The following ZNF267 variants were observed in gnomAD, a reference collection of about 807,000 sequenced individuals.
ZNF267 encodes zinc finger protein 267.
Under a neutral mutation model 71.6 loss-of-function variants are expected in ZNF267, and 61 were observed. That is an observed-to-expected ratio of 0.85 (90% CI 0.69 to 1.05). The LOEUF is 1.05. Among genes scored for constraint, ZNF267 ranks in the 50% least tolerant of loss-of-function variants. The pLI is 0.00. For synonymous variants in ZNF267, 288 were observed against 293.2 expected, an observed-to-expected ratio of 0.98 and a Z score of 0.18; for missense variants, 852 against 870.0, an observed-to-expected ratio of 0.98 and a Z score of 0.26.
chr16:31,875,569 C>A (rs1047389458), intron 1 of ZNF267, among the ~76,000 whole-genome samples: 15 of 152,136 alleles, frequency 9.9e-5, no homozygotes, highest in African/African-American at 3.6e-4. Context: ...AAAACAAAAA[C>A]CCCACCCCAG....
intron 1 of ZNF267, among the ~76,000 whole-genome samples, chr16:31,877,897 T>C (rs947440245): frequency 6.6e-6 from 1 of 152,138 alleles, no homozygotes; most frequent in African/African-American, 2.4e-5. Flanking sequence ...TAAACATAAG[T>C]AAAGTGATTT....
intron 3 of ZNF267, among the ~76,000 whole-genome samples, chr16:31,889,028 GTTCT>G (rs2083942269): frequency 6.6e-6 from 1 of 151,468 alleles, no homozygotes; most frequent in African/African-American, 2.4e-5. Flanking sequence ...ACAGTGTGGT[GTTCT>G]TTCTAAGAAT....
chr16:31,899,654 T>C (rs553517690), intron 3 of ZNF267, among the ~76,000 whole-genome samples: 13 of 152,102 alleles, frequency 8.5e-5, no homozygotes, highest in African/African-American at 3.1e-4. Context: ...ATCTTAAAAT[T>C]ACATAGTGAA....
intron 1 of ZNF267, among the ~76,000 whole-genome samples, chr16:31,878,785 T>C (rs1188450598): frequency 6.6e-6 from 1 of 152,146 alleles, no homozygotes; most frequent in African/African-American, 2.4e-5. Flanking sequence ...GTACACGGTG[T>C]TCCCAAGGTC....
chr16:31,907,725 G>T (rs1270052292), intron 3 of ZNF267, among the ~76,000 whole-genome samples: 1 of 152,036 alleles, frequency 6.6e-6, no homozygotes, highest in Non-Finnish European at 1.5e-5. Flanking sequence ...AATATATTGA[G>T]ACCCTGTGTC....
chr16:31,914,267 A>G, intron 3 of ZNF267: 1 of 494,672 alleles, frequency 2.0e-6, no homozygotes, highest in Non-Finnish European at 3.5e-6. Context: ...TGGCACAAGC[A>G]CTCCCTTTCC....
At chr16:31,886,644 A>G (rs1180388862) in intron 3 of ZNF267, among the ~76,000 whole-genome samples, 1 of 152,238 alleles carries the variant, frequency 6.6e-6, no homozygotes, top group Non-Finnish European at 1.5e-5. Flanking sequence ...ACTGTAGAGT[A>G]TCATTAACTA....
At chr16:31,911,819 T>A (rs990937831) in intron 3 of ZNF267, 2 of 151,604 alleles carry the variant, frequency 1.3e-5, no homozygotes, top group African/African-American at 4.9e-5. Flanking sequence ...TCTGTGTCTG[T>A]TGTATGTTTT....
intron 3 of ZNF267, among the ~76,000 whole-genome samples, chr16:31,889,838 A>G (rs1031978560): frequency 6.6e-6 from 1 of 152,196 alleles, no homozygotes; most frequent in Non-Finnish European, 1.5e-5. Flanking sequence ...GACACCCCAT[A>G]TTAGGTTCCA....
chr16:31,900,239 T>C (rs2084029087), intron 3 of ZNF267, among the ~76,000 whole-genome samples: 1 of 152,130 alleles, frequency 6.6e-6, no homozygotes, highest in Non-Finnish European at 1.5e-5. Flanking sequence ...TTAAAAGTAT[T>C]CTATATACTA....
At chr16:31,887,250 AC>A (rs979114762) in intron 3 of ZNF267, among the ~76,000 whole-genome samples, 9 of 144,816 alleles carry the variant, frequency 6.2e-5, no homozygotes, top group African/African-American at 1.8e-4. Context: ...TGTCAGATTT[AC>A]TTTTTTTTTT....
Position 31,903,328 on chromosome 16 carries a change from T to C in ZNF267, c.227-11148T>C, listed in dbSNP as rs200601008. On this transcript the variant is annotated intron_variant, in intron 3 of 3. Coordinates refer to ENST00000300870, the MANE Select transcript of ZNF267 (RefSeq NM_003414.6). ...AAATGAGTTAGGGAGGGATTCCCTC[T>C]TTTTCTATTGATTGGAATAGTTTCA... is the stretch of plus-strand genomic sequence containing the variant. Among the ~76,000 whole-genome samples, 21 of 152,348 alleles carry C rather than the reference T, an allele frequency of 1.4e-4. No individual in the cohort carries two copies. The East Asian group carries it at 3.7e-3, about 27-fold the overall frequency.
At position 31,917,068 on chromosome 16, in the gene ZNF267, C is replaced by T. The variant is rs569428752; in HGVS notation, c.*587C>T. ...TACAGTATTTGAGGTTTTTGGAAAGCAAATATTATTTATATAATTCAGCTT... is the reference window on the plus strand; with the variant it reads ...TACAGTATTTGAGGTTTTTGGAAAGTAAATATTATTTATATAATTCAGCTT... On this transcript the variant is annotated 3_prime_UTR_variant, in exon 4 of 4. Transcript: ENST00000300870. The T allele has an allele frequency of 6.6e-6, 1 of 152,280 alleles. No individual in the cohort carries two copies. Among genetic ancestry groups the T allele is most frequent in the Non-Finnish European group, 1.5e-5 (1 of 68,136 alleles). 9.4% of individuals were successfully genotyped at this position (152,280 alleles called of 1,614,324 possible). A position where few individuals can be genotyped will look rare whatever the true frequency, so the allele number is the denominator to read the frequency against.
chr16:31,881,148 A>G (rs892166427), intron 1 of ZNF267, among the ~76,000 whole-genome samples: 2 of 152,228 alleles, frequency 1.3e-5, no homozygotes, highest in Non-Finnish European at 2.9e-5. Context: ...AAAGCCCTAC[A>G]TGTTTTGGTT....
At chr16:31,906,554 C>T (rs1040948802) in intron 3 of ZNF267, among the ~76,000 whole-genome samples, 2 of 152,144 alleles carry the variant, frequency 1.3e-5, no homozygotes, top group Non-Finnish European at 2.9e-5. Flanking sequence ...AGTGAGACTC[C>T]GTGGGTGTAG....
At chr16:31,909,896 G>A (rs1485288667) in intron 3 of ZNF267, among the ~76,000 whole-genome samples, 1 of 152,138 alleles carries the variant, frequency 6.6e-6, no homozygotes, top group African/African-American at 2.4e-5. Context: ...TACTAGCTGT[G>A]GATCTGTCAT....
rs752378090 is a variant in ZNF267 at position 31,916,439 on chromosome 16, C to T, written c.2190C>T (p.Tyr730=). 1.9e-6 allele frequency: 3 copies of T among 1,613,926 alleles called. No homozygotes were observed. The highest frequency in any genetic ancestry group is 2.5e-6 in the Non-Finnish European group (3 of 1,179,930). ...ECGKAFNSRS[Y]LIAHQRSHTR... ...GCAAAGCCTTTAACTCTAGGTCATA[C>T]CTCATTGCACATCAGAGAAGTCATA... The change falls in exon 4 of 4, where the codon TAC becomes TAT. Residue 730 remains tyrosine (Y), a synonymous_variant. Coordinates refer to ENST00000300870, the MANE Select transcript of ZNF267 (RefSeq NM_003414.6).
rs1207679767 is a variant in ZNF267, at chr16:31,917,092, T to G, written c.*611T>G. On this transcript the variant is annotated 3_prime_UTR_variant, in exon 4 of 4. Transcript: ENST00000300870. Reference sequence around the variant, plus strand: ...GCAAATATTATTTATATAATTCAGCTTTCAAATCTGTTGCTGCTTTTCCTT... The same window carrying G: ...GCAAATATTATTTATATAATTCAGCGTTCAAATCTGTTGCTGCTTTTCCTT... The G allele has an allele frequency of 6.6e-6, 1 of 152,308 alleles. No homozygotes were observed. The highest frequency in any genetic ancestry group is 1.5e-5 in the Non-Finnish European group (1 of 68,118). 9.4% of individuals were successfully genotyped at this position (152,308 alleles called of 1,614,324 possible).
At chr16:31,887,241 G>T (rs2083930134) in intron 3 of ZNF267, among the ~76,000 whole-genome samples, 3 of 146,250 alleles carry the variant, frequency 2.1e-5, no homozygotes, top group Admixed American at 2.0e-4. Flanking sequence ...GCAAATTTTT[G>T]TCAGATTTAC....
Sources: allele counts gnomAD v4.1 joint callset (sites outside exome capture counted in the v4.1 genomes callset), GRCh38; gene constraint gnomAD v4.1.1; transcripts MANE v1.5; gene names NCBI Gene and HGNC (gene_info 2026-07-23, HGNC 2026-07-21).